Variants in NPAS3 observed in about 807,000 individuals in gnomAD.
NPAS3 encodes neuronal PAS domain protein 3.
NPAS3 carries 14 observed loss-of-function variants against 73.1 expected under a neutral mutation model. The observed-to-expected ratio is 0.19, with a 90% confidence interval of 0.13 to 0.30. NPAS3 has a LOEUF of 0.30. Among genes scored for constraint, NPAS3 ranks in the 10% least tolerant of loss-of-function variants. The pLI is 1.00. For synonymous variants in NPAS3, 620 were observed against 541.5 expected, an observed-to-expected ratio of 1.14 and a Z score of -2.01; for missense variants, 1,096 against 1,250.0, an observed-to-expected ratio of 0.88 and a Z score of 1.86.
intron 1 of NPAS3, among the ~76,000 whole-genome samples, chr14:32,975,044 A>G (rs2037595684): frequency 6.6e-6 from 1 of 152,202 alleles, no homozygotes; most frequent in Non-Finnish European, 1.5e-5. Context: ...AGTGGATGCT[A>G]TTAGTTGAAT....
At chr14:33,322,933 C>G in intron 3 of NPAS3, among the ~76,000 whole-genome samples, 1 of 152,142 alleles carries the variant, frequency 6.6e-6, no homozygotes, top group East Asian at 1.9e-4. Context: ...TTCTGACTTA[C>G]CTAATCAGAA....
At chr14:33,213,503 A>C (rs985743338) in intron 2 of NPAS3, among the ~76,000 whole-genome samples, 5 of 152,226 alleles carry the variant, frequency 3.3e-5, no homozygotes, top group African/African-American at 9.6e-5. Flanking sequence ...ACGCTTTGTC[A>C]GATTCTAAGA....
At chr14:33,172,691 A>G (rs2045438411) in intron 2 of NPAS3, among the ~76,000 whole-genome samples, 1 of 152,024 alleles carries the variant, frequency 6.6e-6, no homozygotes, top group African/African-American at 2.4e-5. Flanking sequence ...AACTGAGATC[A>G]TGCCACAGCA....
At chr14:33,160,497 G>A (rs1255464594) in intron 2 of NPAS3, among the ~76,000 whole-genome samples, 2 of 127,352 alleles carry the variant, frequency 1.6e-5, no homozygotes, top group Admixed American at 8.2e-5. Context: ...GTTGTGGGGT[G>A]GGGGGAGGGG....
chr14:33,269,869 T>C (rs2040990045), intron 3 of NPAS3, among the ~76,000 whole-genome samples: 1 of 152,086 alleles, frequency 6.6e-6, no homozygotes, highest in Non-Finnish European at 1.5e-5. Flanking sequence ...CAACCAGTGA[T>C]TTACAGAACT....
chr14:32,986,026 C>CATGGGCGCCGCTGTGAGGATT (rs1330182359), intron 1 of NPAS3, among the ~76,000 whole-genome samples: 1 of 152,186 alleles, frequency 6.6e-6, no homozygotes, highest in African/African-American at 2.4e-5. Flanking sequence ...TGAGAGTCCA[C>CATGGGCGCCGCTGTGAGGATT]ATGGGCGCCG....
chr14:33,474,898 T>G (rs2139646172), intron 4 of NPAS3, among the ~76,000 whole-genome samples: 1 of 152,352 alleles, frequency 6.6e-6, no homozygotes, highest in East Asian at 1.9e-4. Context: ...TTTTAGTGCA[T>G]TTAAACTGTC....
intron 2 of NPAS3, among the ~76,000 whole-genome samples, chr14:33,147,730 A>ATATATATATATATAT (rs1555344654): frequency 2.8e-4 from 37 of 130,340 alleles, no homozygotes; most frequent in African/African-American, 1.1e-3. Context: ...TAGAATAAAA[A>ATATATATATATATAT]ATATATATAT....
chr14:33,709,184 A>C (rs1384858772), intron 6 of NPAS3, among the ~76,000 whole-genome samples: 1 of 152,204 alleles, frequency 6.6e-6, no homozygotes, highest in Non-Finnish European at 1.5e-5. Context: ...ATTCACAAAA[A>C]TAACTGCTTT....
At chr14:33,297,630 C>A (rs1487065095) in intron 3 of NPAS3, among the ~76,000 whole-genome samples, 5 of 152,114 alleles carry the variant, frequency 3.3e-5, no homozygotes, top group Non-Finnish European at 7.3e-5. Flanking sequence ...CACAAAAAAA[C>A]CAAACAGACT....
At chr14:33,025,419 T>C (rs566531655) in intron 1 of NPAS3, among the ~76,000 whole-genome samples, 1 of 152,354 alleles carries the variant, frequency 6.6e-6, no homozygotes, top group East Asian at 1.9e-4. Context: ...TAGTTCTTTC[T>C]GCCTAACCTG....
chr14:33,160,487 G>A (rs112225596), intron 2 of NPAS3, among the ~76,000 whole-genome samples: 6,910 of 114,322 alleles, frequency 0.06, 204 homozygotes, highest in Middle Eastern at 0.094. Context: ...ACCGGGGCCT[G>A]TTGTGGGGTG....
intron 6 of NPAS3, among the ~76,000 whole-genome samples, chr14:33,723,258 G>C (rs1566468003): frequency 6.6e-6 from 1 of 152,080 alleles, no homozygotes; most frequent in Non-Finnish European, 1.5e-5. Context: ...TGTCATCCCT[G>C]TTAAGCATAA....
chr14:33,731,471 A>G (rs2061400840), intron 6 of NPAS3, among the ~76,000 whole-genome samples: 1 of 151,754 alleles, frequency 6.6e-6, no homozygotes, highest in African/African-American at 2.4e-5. Flanking sequence ...GGCCCTTTTT[A>G]AAGGCATTGG....
intron 4 of NPAS3, among the ~76,000 whole-genome samples, chr14:33,420,694 A>G (rs2082443910): frequency 6.6e-6 from 1 of 151,954 alleles, no homozygotes; most frequent in Admixed American, 6.6e-5. Context: ...TGGAAAGCAT[A>G]GGAAATACTT....
At chr14:33,334,835 AC>A (rs1260972885) in intron 3 of NPAS3, among the ~76,000 whole-genome samples, 2 of 151,958 alleles carry the variant, frequency 1.3e-5, no homozygotes, top group Non-Finnish European at 2.9e-5. Context: ...CCATCCCCCA[AC>A]CTTTCCCCAC....
intron 4 of NPAS3, among the ~76,000 whole-genome samples, chr14:33,439,151 T>C (rs1200401705): frequency 6.6e-6 from 1 of 152,192 alleles, no homozygotes; most frequent in Admixed American, 6.5e-5. Context: ...TAATACATCT[T>C]CACTATAATT....
In NPAS3 at chr14:33,709,785, A is replaced by G. The variant is rs117664948; in HGVS notation, c.734-25429A>G. Among the ~76,000 whole-genome samples, 31 of 152,304 alleles carry G rather than the reference A, an allele frequency of 2.0e-4. No homozygotes were observed. The East Asian group carries it at 6.0e-3, about 29-fold the overall frequency. On this transcript the variant is annotated intron_variant, in intron 6 of 11. Transcript: ENST00000356141. ...AACCCAATCCTTTCTGCTTCACCAA[A>G]TAAGAGGAGGAAGAAAATAAGCCTG...
intron 5 of NPAS3, chr14:33,612,350 C>A (rs1042746001): frequency 2.2e-6 from 1 of 453,966 alleles, no homozygotes; most frequent in African/African-American, 2.0e-5. Context: ...TTTATCATCG[C>A]CCACATTCTG....
Sources: gnomAD v4.1 joint callset for allele counts (sites outside exome capture counted in the v4.1 genomes callset) on GRCh38, gnomAD v4.1.1 for gene constraint, MANE v1.5 for transcripts, NCBI Gene and HGNC (gene_info 2026-07-23, HGNC 2026-07-21) for gene names.